The following HPGD variants were observed in gnomAD, a reference collection of about 807,000 sequenced individuals.
HPGD encodes 15-hydroxyprostaglandin dehydrogenase [NAD(+)].
A neutral mutation model predicts 30.0 loss-of-function variants in HPGD; 29 were observed. That is an observed-to-expected ratio of 0.97 (90% confidence interval 0.72 to 1.32). The LOEUF is 1.32. Among genes scored for constraint, HPGD ranks in the 40% most tolerant of loss-of-function variants. HPGD has a pLI of 0.00. For synonymous variants in HPGD, 99 were observed against 112.4 expected, an observed-to-expected ratio of 0.88 and a Z score of 0.75; for missense variants, 340 against 322.1, an observed-to-expected ratio of 1.06 and a Z score of -0.43.
intron 4 of HPGD, among the ~76,000 whole-genome samples, chr4:174,497,211 C>T (rs1734641024): frequency 6.6e-6 from 1 of 152,152 alleles, no homozygotes; most frequent in Non-Finnish European, 1.5e-5. Flanking sequence ...TAAACTAGTT[C>T]ACACAGCCGC....
At chr4:174,506,080 G>A (rs1359157662) in intron 4 of HPGD, among the ~76,000 whole-genome samples, 2 of 152,188 alleles carry the variant, frequency 1.3e-5, no homozygotes, top group South Asian at 4.1e-4. Context: ...GGTAAAAAGA[G>A]GATTAACACC....
intron 2 of HPGD, among the ~76,000 whole-genome samples, chr4:174,520,178 G>A (rs555914690): frequency 2.0e-5 from 3 of 151,960 alleles, no homozygotes; most frequent in East Asian, 3.9e-4. Context: ...GTTCTCCACC[G>A]TATTCCTTAT....
intron 2 of HPGD, 71 bp from the exon 3 acceptor site, chr4:174,518,148 C>A: frequency 1.3e-6 from 1 of 771,918 alleles, no homozygotes; most frequent in South Asian, 1.6e-5. Flanking sequence ...TGTCCTATGC[C>A]ATGAGAGGAA....
chr4:174,500,025 C>A (rs1734827586), intron 4 of HPGD, among the ~76,000 whole-genome samples: 1 of 152,112 alleles, frequency 6.6e-6, no homozygotes, highest in Non-Finnish European at 1.5e-5. Context: ...CTTACTCTGC[C>A]TTGAACTCTA....
Position 174,522,455 on chromosome 4 carries a change from G to T in HPGD, c.-4C>A. ...CCACTTTGCCGTTCACGTGCATGGTGCAGCCACTGCTGGGGCGGGCGGTGG... is the reference window on the plus strand; with the variant it reads ...CCACTTTGCCGTTCACGTGCATGGTTCAGCCACTGCTGGGGCGGGCGGTGG... On this transcript the variant is annotated 5_prime_UTR_variant, in exon 1 of 7. Transcript: ENST00000296522. The T allele has an allele frequency of 6.4e-7, 1 of 1,568,670 alleles. No homozygotes were observed. The highest frequency in any genetic ancestry group is 8.6e-7 in the Non-Finnish European group (1 of 1,156,572).
intron 3 of HPGD, among the ~76,000 whole-genome samples, chr4:174,511,136 CAAGACTGGAT>C (rs1481870754): frequency 6.6e-6 from 1 of 151,218 alleles, no homozygotes; most frequent in East Asian, 1.9e-4. Flanking sequence ...ATTATAGAGT[CAAGACTGGAT>C]TCTAATTTTG....
chr4:174,493,636 C>A (rs536287496), intron 5 of HPGD, among the ~76,000 whole-genome samples: 2 of 152,160 alleles, frequency 1.3e-5, no homozygotes, highest in East Asian at 3.9e-4. Flanking sequence ...GAATCGATAT[C>A]CCAAGTGTTA....
At chr4:174,505,887 A>G (rs1263430396) in intron 4 of HPGD, among the ~76,000 whole-genome samples, 1 of 152,204 alleles carries the variant, frequency 6.6e-6, no homozygotes, top group Non-Finnish European at 1.5e-5. Context: ...TGCCTTGTAC[A>G]TGTGGAGGAA....
chr4:174,495,848 C>T, intron 4 of HPGD: 1 of 555,370 alleles, frequency 1.8e-6, no homozygotes, highest in Middle Eastern at 5.1e-4. Flanking sequence ...CTAAGTTACA[C>T]AGAGATACAG....
intron 4 of HPGD, among the ~76,000 whole-genome samples, chr4:174,505,040 T>C (rs1735118918): frequency 1.3e-5 from 2 of 152,226 alleles, no homozygotes; most frequent in African/African-American, 4.8e-5. Context: ...AAAGTCCATG[T>C]GGGTTAACCA....
Position 174,496,654 on chromosome 4 carries a change from A to G in HPGD, c.422-1030T>C, listed in dbSNP as rs1734611059. Among the ~76,000 whole-genome samples the G allele has an allele frequency of 6.6e-6, 1 of 152,202 alleles. No homozygotes were observed. Among genetic ancestry groups the G allele is most frequent in the South Asian group, 2.1e-4 (1 of 4,824 alleles). On this transcript the variant is annotated intron_variant, in intron 4 of 6. Coordinates refer to ENST00000296522, the MANE Select transcript of HPGD (RefSeq NM_000860.6). This position sits in a 1 kb window ranked among gnomAD's most constrained non-coding sequence, Gnocchi z 4.6. ...AACAGTGATCCCTGATTATTATACT[A>G]TATTTAATATCAAATGTCATGCTAA...
Position 174,492,092 on chromosome 4 carries a change from G to A in HPGD, c.665C>T (p.Pro222Leu), listed in dbSNP as rs894906525. The A allele has an allele frequency of 6.2e-7, 1 of 1,610,060 alleles. No homozygotes were observed. Among genetic ancestry groups the A allele is most frequent in the South Asian group, 1.1e-5 (1 of 90,950 alleles). ...TATCAATCCATTGGCAATCAATGGT[G>A]GGCTAAAAATAAAGAAAACAGTATT... ...DMIKYYGILD[P>L]PLIANGLITL... The change falls in exon 7 of 7, where the codon CCA becomes CTA. Residue 222 changes from proline to leucine, a missense_variant and splice_region_variant. Coordinates refer to ENST00000296522, the MANE Select transcript of HPGD (RefSeq NM_000860.6). This position sits in a 1 kb window ranked among gnomAD's most constrained non-coding sequence, Gnocchi z 4.9.
Position 174,512,078 on chromosome 4 carries a change from AG to A in HPGD, c.325-3287del, listed in dbSNP as rs45457995. On this transcript the variant is annotated intron_variant, in intron 3 of 6. Transcript: ENST00000296522. ...AAAAGGTTTAGTGGGAAGAAGGATGAGATCAGCAAAGTGAAAAGTAAGGAGT... is the reference window on the plus strand; with the variant it reads ...AAAAGGTTTAGTGGGAAGAAGGATGAATCAGCAAAGTGAAAAGTAAGGAGT... 6.3e-3 allele frequency among the ~76,000 whole-genome samples: 965 copies of A among 152,348 alleles called. 12 individuals are homozygous for A. The highest frequency in any genetic ancestry group is 0.021 in the African/African-American group (879 of 41,568).
intron 4 of HPGD, among the ~76,000 whole-genome samples, chr4:174,502,854 C>T (rs1734987843): frequency 6.6e-6 from 1 of 152,100 alleles, no homozygotes; most frequent in Non-Finnish European, 1.5e-5. Flanking sequence ...GCTCCCTTAC[C>T]CATTCAAAGA....
chr4:174,518,857 AT>A (rs1735929093), intron 2 of HPGD, among the ~76,000 whole-genome samples: 1 of 152,186 alleles, frequency 6.6e-6, no homozygotes, highest in Non-Finnish European at 1.5e-5. Flanking sequence ...GTTCTAATTG[AT>A]TTAAACTGTT....
chr4:174,504,566 G>A (rs1047689522), intron 4 of HPGD, among the ~76,000 whole-genome samples: 5 of 151,964 alleles, frequency 3.3e-5, no homozygotes, highest in Non-Finnish European at 5.9e-5. Context: ...CCAGCACTTC[G>A]GGAGGCTGAG....
At chr4:174,509,702 G>C (rs1735379708) in intron 3 of HPGD, among the ~76,000 whole-genome samples, 1 of 152,168 alleles carries the variant, frequency 6.6e-6, no homozygotes, top group South Asian at 2.1e-4. Flanking sequence ...GTAAGATCAA[G>C]CAATCCTCAA....
intron 4 of HPGD, among the ~76,000 whole-genome samples, chr4:174,503,575 GCGATTTTCTTA>G (rs1735028495): frequency 6.6e-6 from 1 of 152,170 alleles, no homozygotes; most frequent in South Asian, 2.1e-4. Flanking sequence ...GTGGTGCCAT[GCGATTTTCTTA>G]CCTTTGGCCC....
chr4:174,495,408 CT>C, intron 5 of HPGD, 139 bp downstream of exon 5: 1 of 694,864 alleles, frequency 1.4e-6, no homozygotes, highest in Non-Finnish European at 2.6e-6. Flanking sequence ...GATCTGATAA[CT>C]TTTTATAATT....
Sources: gnomAD v4.1 joint callset for allele counts (sites outside exome capture counted in the v4.1 genomes callset) on GRCh38, gnomAD v4.1.1 for gene constraint, Gnocchi (gnomAD v3.1) non-coding constraint, MANE v1.5 for transcripts, NCBI Gene and HGNC (gene_info 2026-07-23, HGNC 2026-07-21) for gene names.